Variants in ATP13A5 observed in about 807,000 individuals in gnomAD.
ATP13A5 encodes ATPase 13A5.
In ATP13A5, 149 loss-of-function variants were observed where a neutral mutation model predicts 150.2. The observed-to-expected ratio is 0.99, with a 90% confidence interval of 0.87 to 1.14. The LOEUF is 1.14. Ranked by LOEUF, ATP13A5 falls within the 50% of genes most tolerant of loss-of-function variation. The pLI, the probability that ATP13A5 is intolerant of heterozygous loss-of-function variation, is 0.00. For missense variants in ATP13A5, 1,383 were observed against 1,449.3 expected (o/e 0.95, Z 0.74); for synonymous variants, 497 against 522.2 (o/e 0.95, Z 0.66).
intron 5 of ATP13A5, among the ~76,000 whole-genome samples, chr3:193,360,783 T>C (rs1488041100): frequency 6.6e-6 from 1 of 152,110 alleles, no homozygotes; most frequent in Non-Finnish European, 1.5e-5. Flanking sequence ...TCCAAGCAAT[T>C]CTCCTGCCTC....
intron 1 of ATP13A5, among the ~76,000 whole-genome samples, chr3:193,367,947 T>A (rs558380887): frequency 3.2e-5 from 4 of 123,370 alleles, no homozygotes; most frequent in Admixed American, 1.1e-4. Flanking sequence ...TCTTAACCAG[T>A]GCAACGCAAG....
chr3:193,335,211 C>T, intron 9 of ATP13A5, 112 bp from the exon 10 acceptor site: 1 of 922,844 alleles, frequency 1.1e-6, no homozygotes, highest in Non-Finnish European at 1.7e-6. Flanking sequence ...GTCTTAATGC[C>T]CATCCCATGA....
At chr3:193,328,841 C>A (rs1234949420) in intron 12 of ATP13A5, among the ~76,000 whole-genome samples, 1 of 152,170 alleles carries the variant, frequency 6.6e-6, no homozygotes, top group Non-Finnish European at 1.5e-5. Context: ...GATGAAAATT[C>A]AATTAATGGC....
intron 17 of ATP13A5, among the ~76,000 whole-genome samples, chr3:193,317,552 G>T (rs574130153): frequency 2.6e-5 from 4 of 152,032 alleles, no homozygotes; most frequent in African/African-American, 9.7e-5. Flanking sequence ...GACTTTTTAC[G>T]TCATCTCAAA....
At chr3:193,308,287 A>G (rs546854711) in intron 21 of ATP13A5, among the ~76,000 whole-genome samples, 3 of 152,122 alleles carry the variant, frequency 2.0e-5, no homozygotes, top group South Asian at 4.1e-4. Context: ...GTGAAACCCC[A>G]TCTCTACTAA....
rs1712545972 is a variant in ATP13A5, at chr3:193,351,119, A to G, written c.689T>C (p.Ile230Thr). 3.7e-6 allele frequency: 6 copies of G among 1,613,834 alleles called. No individual in the cohort carries two copies. Among genetic ancestry groups the G allele is most frequent in the Non-Finnish European group, 5.1e-6 (6 of 1,179,762 alleles). The change falls in exon 7 of 30, where the codon ATC becomes ACC. Residue 230 changes from isoleucine (I) to threonine (T), a missense_variant. Ile to Thr is a moderately conservative substitution (Grantham distance 89). Around this residue, in one of 3 missense-constraint regions of ATP13A5, gnomAD observed 787 missense variants for 771.9 expected, o/e 1.02. Coordinates refer to ENST00000342358, the MANE Select transcript of ATP13A5 (RefSeq NM_198505.4). ...SQGYIEYSVA[I>T]IILTVISIVL... Reference sequence around the variant, plus strand: ...AATGGAGATAACAGTCAAAATGATGATGGCCACAGAGTATTCTATGTAACC... The same window carrying G: ...AATGGAGATAACAGTCAAAATGATGGTGGCCACAGAGTATTCTATGTAACC...
At chr3:193,303,969 T>C (rs1388130842) in intron 23 of ATP13A5, among the ~76,000 whole-genome samples, 1 of 151,986 alleles carries the variant, frequency 6.6e-6, no homozygotes, top group East Asian at 1.9e-4. Flanking sequence ...GACTCTCTCA[T>C]TCTTTACATT....
At chr3:193,315,152 C>A in intron 17 of ATP13A5, 56 bp from the exon 18 acceptor site, 5 of 1,477,948 alleles carry the variant, frequency 3.4e-6, no homozygotes, top group Admixed American at 2.2e-5. Context: ...CTCCATAGTT[C>A]AATTTATTTC....
Position 193,322,561 on chromosome 3 carries a change from C to T in ATP13A5, c.1688G>A (p.Cys563Tyr), listed in dbSNP as rs1346538452. Residue 563 changes from cysteine to tyrosine, a missense_variant, in exon 15 of 30, where the codon TGC becomes TAC. Around this residue, in one of 3 missense-constraint regions of ATP13A5, gnomAD observed 787 missense variants for 771.9 expected, o/e 1.02. Coordinates refer to ENST00000342358, the MANE Select transcript of ATP13A5 (RefSeq NM_198505.4). ...FEGTAWKMED[C>Y]IVDSCKFGTS... is the part of the protein sequence containing the mutation. ...CCCAAATTTGCAGGAGTCTACAATG[C>T]AATCTTCCATTTTCTGTTATAAAAT... 1 of 1,610,574 alleles carries T rather than the reference C, an allele frequency of 6.2e-7. No individual in the cohort carries two copies. Among genetic ancestry groups the T allele is most frequent in the Non-Finnish European group, 8.5e-7 (1 of 1,177,610 alleles).
Position 193,369,502 on chromosome 3 carries a change from G to T in ATP13A5, c.64-5222C>A, listed in dbSNP as rs186188943. On this transcript the variant is annotated intron_variant, in intron 1 of 29. Transcript: ENST00000342358. ...GACCAACTAATTGAGAGGAAAATTA[G>T]ATTGTATAAATGATTATTCTTCTGA... 1.7e-4 allele frequency among the ~76,000 whole-genome samples: 26 copies of T among 152,212 alleles called. No individual in the cohort carries two copies. In the East Asian group the frequency reaches 4.4e-3, roughly 26 times the overall value.
At position 193,284,219 on chromosome 3, in the gene ATP13A5, C is replaced by T. The variant is rs141674143; in HGVS notation, c.3226+695G>A. Among the ~76,000 whole-genome samples, 598 of 151,910 alleles carry T rather than the reference C, an allele frequency of 3.9e-3. 4 individuals carry two copies. Among genetic ancestry groups the T allele is most frequent in the African/African-American group, 0.014 (579 of 41,400 alleles). On this transcript the variant is annotated intron_variant, in intron 27 of 29. Transcript: ENST00000342358. Reference sequence around the variant, plus strand: ...AAAAGTGTTTTTTTAGAGACAAGGTCTCACTGTGTTGCCCAGGCTAGTCTC... The same window carrying T: ...AAAAGTGTTTTTTTAGAGACAAGGTTTCACTGTGTTGCCCAGGCTAGTCTC...
chr3:193,314,600 A>G (rs1718977627), intron 18 of ATP13A5, among the ~76,000 whole-genome samples: 1 of 152,120 alleles, frequency 6.6e-6, no homozygotes, highest in South Asian at 2.1e-4. Context: ...ACGATCATAC[A>G]CCATGCCTGG....
At chr3:193,296,722 A>G (rs1718186621) in intron 25 of ATP13A5, among the ~76,000 whole-genome samples, 1 of 152,118 alleles carries the variant, frequency 6.6e-6, no homozygotes, top group South Asian at 2.1e-4. Context: ...AATTCTGTGA[A>G]GAATATTAAT....
intron 27 of ATP13A5, among the ~76,000 whole-genome samples, chr3:193,281,679 G>A (rs1202678265): frequency 6.6e-6 from 1 of 152,156 alleles, no homozygotes; most frequent in Non-Finnish European, 1.5e-5. Flanking sequence ...TATTTTAATA[G>A]TAGTTCTAGA....
intron 5 of ATP13A5, among the ~76,000 whole-genome samples, chr3:193,356,121 C>T (rs1712777134): frequency 6.6e-6 from 1 of 152,192 alleles, no homozygotes; most frequent in Non-Finnish European, 1.5e-5. Flanking sequence ...TCAAGTAGCA[C>T]CTCCTTACTG....
At chr3:193,346,752 A>G (rs1280966895) in intron 7 of ATP13A5, among the ~76,000 whole-genome samples, 1 of 152,202 alleles carries the variant, frequency 6.6e-6, no homozygotes, top group Non-Finnish European at 1.5e-5. Flanking sequence ...GGAAAAATTT[A>G]TGATATACTT....
At chr3:193,359,796 T>G (rs1358843648) in intron 5 of ATP13A5, among the ~76,000 whole-genome samples, 1 of 151,956 alleles carries the variant, frequency 6.6e-6, no homozygotes, top group African/African-American at 2.4e-5. Flanking sequence ...CAAGTGTGTG[T>G]GTGTGCATGT....
chr3:193,278,133 C>T (rs956762277), intron 28 of ATP13A5, among the ~76,000 whole-genome samples: 1 of 152,158 alleles, frequency 6.6e-6, no homozygotes, highest in Non-Finnish European at 1.5e-5. Context: ...CAATGGTCTT[C>T]TCCCCTAGCT....
intron 7 of ATP13A5, among the ~76,000 whole-genome samples, chr3:193,345,580 T>C (rs1016025633): frequency 6.6e-5 from 10 of 152,090 alleles, no homozygotes; most frequent in African/African-American, 1.7e-4. Context: ...TGCCTTATAG[T>C]AACAGTTTGA....
Sources: gnomAD v4.1 joint callset for allele counts (sites outside exome capture counted in the v4.1 genomes callset) on GRCh38, gnomAD v4.1.1 for gene constraint, gnomAD v4.1.1 regional missense constraint, MANE v1.5 for transcripts, NCBI Gene and HGNC (gene_info 2026-07-23, HGNC 2026-07-21) for gene names.